PTPRG: variants seen among roughly 807,000 people sequenced by gnomAD.
PTPRG encodes protein tyrosine phosphatase receptor type G, also known as receptor-type tyrosine-protein phosphatase gamma.
In PTPRG, 102 loss-of-function variants were observed where a neutral mutation model predicts 165.3. That is an observed-to-expected ratio of 0.62 (90% confidence interval 0.53 to 0.73). The LOEUF is 0.73. PTPRG is among the 30% of genes least tolerant of loss of function. The pLI is 0.00. For missense variants in PTPRG, 1,866 were observed against 1,861.4 expected (o/e 1.00, Z -0.05); for synonymous variants, 675 against 669.5 (o/e 1.01, Z -0.13).
intron 26 of PTPRG, 57 bp from the exon 27 acceptor site, chr3:62,281,506 T>TA: frequency 1.4e-6 from 2 of 1,398,284 alleles, no homozygotes; most frequent in Non-Finnish European, 1.9e-6. Flanking sequence ...ATGCAAGAAA[T>TA]AGAAAACAAA....
intron 2 of PTPRG, among the ~76,000 whole-genome samples, chr3:61,966,268 T>C (rs2040270706): frequency 6.6e-6 from 1 of 152,222 alleles, no homozygotes; most frequent in African/African-American, 2.4e-5. Context: ...TATAAGTTAA[T>C]TACTTGTGTG....
chr3:61,805,215 G>C (rs1006534590), intron 2 of PTPRG, among the ~76,000 whole-genome samples: 8 of 152,184 alleles, frequency 5.3e-5, no homozygotes, highest in Admixed American at 1.3e-4. Context: ...AGACATTTTT[G>C]GTTGTTACAG....
chr3:62,283,131 G>A (rs570359983), intron 28 of PTPRG, among the ~76,000 whole-genome samples: 1 of 152,154 alleles, frequency 6.6e-6, no homozygotes, highest in East Asian at 1.9e-4. Context: ...GCCTACAGAG[G>A]TAGATCTGCA....
chr3:61,834,513 C>A (rs1192181609), intron 2 of PTPRG, among the ~76,000 whole-genome samples: 1 of 151,986 alleles, frequency 6.6e-6, no homozygotes, highest in African/African-American at 2.4e-5. Context: ...CTAGTGAGAT[C>A]CTTTTTCTTA....
intron 2 of PTPRG, among the ~76,000 whole-genome samples, chr3:61,813,543 C>CTGTGTGTGTGTGTGTGTGTGTGTGTG (rs58097355): frequency 2.6e-5 from 3 of 116,880 alleles, no homozygotes; most frequent in Non-Finnish European, 5.1e-5. Flanking sequence ...AAAAGAAAAT[C>CTGTGTGTGTGTGTGTGTGTGTGTGTG]TGTGTGTGTG....
chr3:62,208,374 C>T (rs1700280566), intron 12 of PTPRG, among the ~76,000 whole-genome samples: 1 of 152,194 alleles, frequency 6.6e-6, no homozygotes, highest in Non-Finnish European at 1.5e-5. Flanking sequence ...TCAGAGTGGG[C>T]ATCATCTACA....
chr3:61,813,475 C>A (rs2107221116), intron 2 of PTPRG, among the ~76,000 whole-genome samples: 1 of 142,810 alleles, frequency 7.0e-6, no homozygotes, highest in South Asian at 2.3e-4. Context: ...GAGATCGTGC[C>A]ACTGCACTCC....
At chr3:61,907,992 G>T (rs1436535288) in intron 2 of PTPRG, among the ~76,000 whole-genome samples, 1 of 151,788 alleles carries the variant, frequency 6.6e-6, no homozygotes, top group Non-Finnish European at 1.5e-5. Context: ...GTAGTGGTGT[G>T]TGCCTGTAGT....
chr3:62,183,700 A>G (rs964332609), intron 8 of PTPRG, among the ~76,000 whole-genome samples: 4 of 151,888 alleles, frequency 2.6e-5, no homozygotes, highest in African/African-American at 7.3e-5. Flanking sequence ...CTGATGGGGG[A>G]AGAGGCGATT....
chr3:62,158,511 G>A (rs754439910), intron 7 of PTPRG, among the ~76,000 whole-genome samples: 3 of 152,162 alleles, frequency 2.0e-5, no homozygotes, highest in Middle Eastern at 3.2e-3. Flanking sequence ...AGGTGGGTCT[G>A]AATAGACATT....
intron 2 of PTPRG, among the ~76,000 whole-genome samples, chr3:61,934,938 G>T (rs568877949): frequency 6.6e-6 from 1 of 152,216 alleles, no homozygotes; most frequent in Admixed American, 6.5e-5. Flanking sequence ...TTGCTTAAAT[G>T]AATGAATGAA....
chr3:62,185,967 G>A (rs1705865841), intron 8 of PTPRG, among the ~76,000 whole-genome samples: 1 of 152,176 alleles, frequency 6.6e-6, no homozygotes, highest in African/African-American at 2.4e-5. Context: ...CTGTTTTGCT[G>A]CGTTTGCCTG....
chr3:62,194,405 C>T (rs1699909124), intron 9 of PTPRG, among the ~76,000 whole-genome samples: 1 of 152,170 alleles, frequency 6.6e-6, no homozygotes, highest in Admixed American at 6.5e-5. Context: ...GACTCAGAAC[C>T]CCACAGCTTG....
intron 28 of PTPRG, among the ~76,000 whole-genome samples, chr3:62,290,547 T>C (rs556667177): frequency 1.3e-5 from 2 of 152,198 alleles, no homozygotes; most frequent in South Asian, 2.1e-4. Context: ...TATTAAGGAA[T>C]TGGGATACAC....
intron 1 of PTPRG, among the ~76,000 whole-genome samples, chr3:61,587,982 T>C (rs1485523569): frequency 6.6e-6 from 1 of 152,080 alleles, no homozygotes; most frequent in Non-Finnish European, 1.5e-5. Flanking sequence ...TAAACTTTTT[T>C]TCTGGTCCAG....
At chr3:61,785,799 A>T (rs1421025745) in intron 2 of PTPRG, among the ~76,000 whole-genome samples, 2 of 152,206 alleles carry the variant, frequency 1.3e-5, no homozygotes, top group Non-Finnish European at 2.9e-5. Flanking sequence ...AGGGTTGAAC[A>T]TATAGGTAGG....
At chr3:61,585,399 T>C (rs1392530701) in intron 1 of PTPRG, among the ~76,000 whole-genome samples, 1 of 152,144 alleles carries the variant, frequency 6.6e-6, no homozygotes, top group Non-Finnish European at 1.5e-5. Flanking sequence ...CGCAGTCTTA[T>C]GACTTGCCAT....
chr3:61,910,733 T>C (rs926430011), intron 2 of PTPRG, among the ~76,000 whole-genome samples: 5 of 152,204 alleles, frequency 3.3e-5, no homozygotes, highest in African/African-American at 1.2e-4. Context: ...TTCCCTATGC[T>C]GTTGATTCCC....
At chr3:62,290,415 T>A (rs991571651) in intron 28 of PTPRG, among the ~76,000 whole-genome samples, 1 of 152,186 alleles carries the variant, frequency 6.6e-6, no homozygotes, top group Non-Finnish European at 1.5e-5. Context: ...TCAGAGTTAT[T>A]TGGACATCAG....
Sources: gnomAD v4.1 joint callset for allele counts (sites outside exome capture counted in the v4.1 genomes callset) on GRCh38, gnomAD v4.1.1 for gene constraint, MANE v1.5 for transcripts, NCBI Gene and HGNC (gene_info 2026-07-23, HGNC 2026-07-21) for gene names.